The following CDH18 variants were observed in gnomAD, a reference collection of about 807,000 sequenced individuals.
CDH18 encodes the protein cadherin-18.
CDH18 carries 31 observed loss-of-function variants against 67.9 expected under a neutral mutation model. The observed-to-expected ratio is 0.46, with a 90% confidence interval of 0.34 to 0.62. CDH18 has a LOEUF of 0.62. CDH18 is among the 20% of genes least tolerant of loss of function. The pLI is 0.01. For missense variants in CDH18, 890 were observed against 975.5 expected (o/e 0.91, Z 1.17); for synonymous variants, 362 against 347.2 (o/e 1.04, Z -0.48).
intron 9 of CDH18, among the ~76,000 whole-genome samples, chr5:19,539,212 T>C (rs1749865329): frequency 6.6e-6 from 1 of 152,202 alleles, no homozygotes; most frequent in Admixed American, 6.5e-5. Context: ...CATTGAGGTG[T>C]TCTCCAAGGT....
intron 3 of CDH18, among the ~76,000 whole-genome samples, chr5:19,821,871 TAAGTA>T (rs1481400825): frequency 5.9e-5 from 9 of 152,118 alleles, no homozygotes; most frequent in Admixed American, 3.9e-4. Context: ...TTAAGCTTCA[TAAGTA>T]AAGAAGAAAA....
chr5:19,623,861 ATT>A, intron 5 of CDH18, among the ~76,000 whole-genome samples: 1 of 95,148 alleles, frequency 1.1e-5, no homozygotes, highest in Non-Finnish European at 2.9e-5. Flanking sequence ...GTAACTGAAC[ATT>A]GATGATTTCT....
chr5:19,930,906 G>A lies in CDH18; in HGVS notation c.-257+50154C>T, dbSNP rs1034784406. Among the ~76,000 whole-genome samples, 26 of 152,042 alleles carry A rather than the reference G, an allele frequency of 1.7e-4. 1 individual carries two copies. The highest frequency in any genetic ancestry group is 1.3e-3 in the Admixed American group (20 of 15,240). On this transcript the variant is annotated intron_variant, in intron 2 of 12. Coordinates refer to ENST00000382275, the MANE Select transcript of CDH18 (RefSeq NM_004934.5). ...CAGCTTAATAACAGAAACTCAGTTC[G>A]AAACACAGAATTAAGAATTATAAGT...
chr5:20,060,463 CA>C (rs1742369558), intron 2 of CDH18, among the ~76,000 whole-genome samples: 3 of 148,258 alleles, frequency 2.0e-5, no homozygotes, highest in Non-Finnish European at 4.5e-5. Flanking sequence ...GATTCTGTCT[CA>C]AAAAAAGAAA....
At chr5:19,978,936 G>A (rs990698764) in intron 2 of CDH18, among the ~76,000 whole-genome samples, 3 of 152,066 alleles carry the variant, frequency 2.0e-5, no homozygotes, top group East Asian at 1.9e-4. Flanking sequence ...AAGTTACAGC[G>A]ATTAGTATGT....
intron 1 of CDH18, among the ~76,000 whole-genome samples, chr5:20,327,583 G>A (rs1738721083): frequency 6.6e-6 from 1 of 152,050 alleles, no homozygotes; most frequent in Non-Finnish European, 1.5e-5. Flanking sequence ...TTCCAGTTCT[G>A]AGAATATAGC....
rs556013497 is a variant in CDH18 at position 19,748,070 on chromosome 5, G to A, written c.229-834C>T. The stretch of plus-strand genomic sequence containing the variant: ...GGAGCTTGCAGTGAGCCGAGATCGC[G>A]CCACTGCACTCCAGGCTGGGAGACA... On this transcript the variant is annotated intron_variant, in intron 3 of 12. Transcript: ENST00000382275. Among the ~76,000 whole-genome samples, 611 of 124,802 alleles carry A rather than the reference G, an allele frequency of 4.9e-3. 2 individuals are homozygous for A. The highest frequency in any genetic ancestry group is 7.2e-3 in the Non-Finnish European group (462 of 63,726). The allele number at this position is 124,802 out of a possible 152,430, so 81.9% of individuals were successfully genotyped here. A position where few individuals can be genotyped will look rare whatever the true frequency, so the allele number is the denominator to read the frequency against.
intron 1 of CDH18, among the ~76,000 whole-genome samples, chr5:20,366,295 A>G (rs947944390): frequency 6.6e-6 from 1 of 151,980 alleles, no homozygotes; most frequent in African/African-American, 2.4e-5. Context: ...CACCACCACC[A>G]CCACCCATTC....
intron 5 of CDH18, among the ~76,000 whole-genome samples, chr5:19,663,011 GA>G (rs1321031751): frequency 5.9e-5 from 9 of 151,874 alleles, no homozygotes; most frequent in Non-Finnish European, 4.4e-5. Flanking sequence ...TAAGAGATGA[GA>G]AAACGTCACA....
In CDH18 at chr5:20,081,539, G is replaced by A. The variant is rs955179457; in HGVS notation, c.-517-89525C>T. ...ATTATTCACAATAGCAAAGACATGGGATCTACCTAGGTGTCCCTTAACAGT... is the reference window on the plus strand; with the variant it reads ...ATTATTCACAATAGCAAAGACATGGAATCTACCTAGGTGTCCCTTAACAGT... On this transcript the variant is annotated intron_variant, in intron 2 of 14. Coordinates refer to the CDH18 transcript ENST00000507958. Among the ~76,000 whole-genome samples, 6 of 152,044 alleles carry A rather than the reference G, an allele frequency of 3.9e-5. No individual in the cohort carries two copies. In the South Asian group the frequency reaches 8.3e-4, roughly 21 times the overall value.
chr5:20,430,248 A>T (rs1748631776), intron 1 of CDH18, among the ~76,000 whole-genome samples: 1 of 152,182 alleles, frequency 6.6e-6, no homozygotes. Context: ...ATCACCTTAT[A>T]AAAAACTCAG....
At chr5:20,121,975 T>C (rs1393907712) in intron 2 of CDH18, among the ~76,000 whole-genome samples, 1 of 152,212 alleles carries the variant, frequency 6.6e-6, no homozygotes, top group African/African-American at 2.4e-5. Context: ...GTGGGCTTCA[T>C]AGTCATTGTA....
chr5:19,537,448 T>A (rs562388559), intron 9 of CDH18, among the ~76,000 whole-genome samples: 6 of 152,134 alleles, frequency 3.9e-5, no homozygotes, highest in African/African-American at 1.2e-4. Context: ...AGTGTGTGTA[T>A]GTGCACATAC....
intron 4 of CDH18, among the ~76,000 whole-genome samples, chr5:19,732,966 CCT>C: frequency 6.6e-6 from 1 of 152,270 alleles, no homozygotes; most frequent in African/African-American, 2.4e-5. Context: ...CTCAGATAGG[CCT>C]CTGAGGGAAA....
chr5:20,539,352 T>C (rs1393985075), intron 1 of CDH18, among the ~76,000 whole-genome samples: 1 of 152,164 alleles, frequency 6.6e-6, no homozygotes, highest in Non-Finnish European at 1.5e-5. Context: ...GCTTCCATTC[T>C]AGTAATATTT....
At chr5:19,709,073 T>A (rs1459649870) in intron 5 of CDH18, among the ~76,000 whole-genome samples, 1 of 152,046 alleles carries the variant, frequency 6.6e-6, no homozygotes, top group Non-Finnish European at 1.5e-5. Context: ...AAATTCCTCT[T>A]ATTACCCATG....
intron 1 of CDH18, among the ~76,000 whole-genome samples, chr5:20,521,484 G>A (rs908638042): frequency 1.1e-4 from 17 of 152,070 alleles, no homozygotes; most frequent in Non-Finnish European, 2.1e-4. Context: ...AACTTGACTG[G>A]AGTTATTTTG....
intron 3 of CDH18, among the ~76,000 whole-genome samples, chr5:19,785,804 T>A (rs1360498937): frequency 7.5e-6 from 1 of 134,008 alleles, no homozygotes; most frequent in Non-Finnish European, 1.6e-5. Flanking sequence ...ACATATAAAA[T>A]AAAATGTATA....
At chr5:19,625,006 T>A (rs916107173) in intron 5 of CDH18, among the ~76,000 whole-genome samples, 7 of 152,006 alleles carry the variant, frequency 4.6e-5, no homozygotes, top group African/African-American at 1.4e-4. Flanking sequence ...ATTGCTGCCC[T>A]TGTAACGGTG....
Sources: allele counts gnomAD v4.1 joint callset (sites outside exome capture counted in the v4.1 genomes callset), GRCh38; gene constraint gnomAD v4.1.1; transcripts MANE v1.5; gene names NCBI Gene and HGNC (gene_info 2026-07-23, HGNC 2026-07-21).